Variants in CNTN5 observed in about 807,000 individuals in gnomAD.
The protein encoded by CNTN5 is contactin-5.
CNTN5 carries 77 observed loss-of-function variants against 129.1 expected under a neutral mutation model. The ratio of observed to expected loss-of-function variants is 0.60; its 90% CI spans 0.50 to 0.72. The LOEUF (loss-of-function observed/expected upper bound fraction) is 0.72. Ranked by LOEUF, CNTN5 falls within the 30% of genes least tolerant of loss-of-function variation. The pLI is 0.00. For synonymous variants in CNTN5, 509 were observed against 465.6 expected (o/e 1.09, Z -1.20); for missense variants, 1,478 against 1,328.8 (o/e 1.11, Z -1.75).
intron 2 of CNTN5, among the ~76,000 whole-genome samples, chr11:99,371,213 T>C (rs1015969059): frequency 6.6e-6 from 1 of 152,142 alleles, no homozygotes; most frequent in African/African-American, 2.4e-5. Context: ...TAAAGATATT[T>C]TAAAGTAGGT....
chr11:99,629,095 G>A (rs1951242931), intron 3 of CNTN5, among the ~76,000 whole-genome samples: 1 of 151,898 alleles, frequency 6.6e-6, no homozygotes, highest in Admixed American at 6.6e-5. Context: ...TAAATATGTT[G>A]GGTCAATGCC....
chr11:100,231,390 A>G (rs1193571201), intron 16 of CNTN5, among the ~76,000 whole-genome samples: 2 of 152,176 alleles, frequency 1.3e-5, no homozygotes, highest in Admixed American at 6.5e-5. Flanking sequence ...TATATATTCA[A>G]AAGATAGGAA....
intron 1 of CNTN5, among the ~76,000 whole-genome samples, chr11:99,265,804 A>T (rs1327285810): frequency 6.6e-6 from 1 of 152,062 alleles, no homozygotes; most frequent in Non-Finnish European, 1.5e-5. Flanking sequence ...TGAATGAAAT[A>T]GGCTTTAAAA....
chr11:99,816,384 G>A lies in CNTN5; in HGVS notation c.56-3160G>A, dbSNP rs530130295. ...TCTGACGAACCTGCGTCTTCCTTAC[G>A]TCTGCAGAATCTTAACATCAACATG... On this transcript the variant is annotated intron_variant, in intron 3 of 24. Transcript: ENST00000524871. Among the ~76,000 whole-genome samples the A allele has an allele frequency of 5.9e-5, 9 of 152,016 alleles. 1 individual carries two copies. The South Asian group carries it at 8.3e-4, about 14-fold the overall frequency.
At position 99,380,437 on chromosome 11, in the gene CNTN5, T is replaced by A. The variant is rs1372080019; in HGVS notation, c.-71+54953T>A. ...AATGATCATTACACTGTTTCTACTATTAACTTAAACAAGAACATTTGTCAG... is the reference window on the plus strand; with the variant it reads ...AATGATCATTACACTGTTTCTACTAATAACTTAAACAAGAACATTTGTCAG... On this transcript the variant is annotated intron_variant, in intron 2 of 24. Coordinates refer to ENST00000524871, the MANE Select transcript of CNTN5 (RefSeq NM_014361.4). Among the ~76,000 whole-genome samples the A allele has an allele frequency of 2.0e-5, 3 of 152,146 alleles. No homozygotes were observed. In the South Asian group the frequency reaches 6.2e-4, roughly 32 times the overall value.
At chr11:99,267,405 A>C (rs1253485844) in intron 1 of CNTN5, among the ~76,000 whole-genome samples, 1 of 152,032 alleles carries the variant, frequency 6.6e-6, no homozygotes, top group African/African-American at 2.4e-5. Flanking sequence ...TGTAAATTTC[A>C]ATCTTTCTAA....
At chr11:99,477,865 T>C (rs1171742919) in intron 2 of CNTN5, among the ~76,000 whole-genome samples, 2 of 152,124 alleles carry the variant, frequency 1.3e-5, no homozygotes, top group Non-Finnish European at 2.9e-5. Context: ...TTGGAAATAC[T>C]TTAAAATTGC....
chr11:99,765,729 T>C (rs1476284479), intron 3 of CNTN5, among the ~76,000 whole-genome samples: 2 of 151,490 alleles, frequency 1.3e-5, no homozygotes, highest in African/African-American at 4.8e-5. Flanking sequence ...ACCTTTTTTG[T>C]TGTTTCTGTT....
intron 13 of CNTN5, among the ~76,000 whole-genome samples, chr11:100,188,038 A>G (rs1187687392): frequency 6.6e-6 from 1 of 152,206 alleles, no homozygotes; most frequent in Non-Finnish European, 1.5e-5. Context: ...AACTACGCAC[A>G]CAACAAAGGT....
intron 1 of CNTN5, among the ~76,000 whole-genome samples, chr11:99,122,522 T>C (rs945999435): frequency 3.9e-5 from 6 of 152,066 alleles, no homozygotes; most frequent in African/African-American, 1.4e-4. Context: ...AATTTTTTTA[T>C]ATAGCAGCAG....
intron 6 of CNTN5, among the ~76,000 whole-genome samples, chr11:99,876,304 G>A (rs1435953333): frequency 6.6e-6 from 1 of 152,042 alleles, no homozygotes; most frequent in Non-Finnish European, 1.5e-5. Flanking sequence ...TCTGTTTCTG[G>A]CTTTTTGCAC....
At chr11:99,445,123 T>A (rs1049735991) in intron 2 of CNTN5, among the ~76,000 whole-genome samples, 1 of 148,886 alleles carries the variant, frequency 6.7e-6, no homozygotes, top group South Asian at 2.1e-4. Flanking sequence ...TATATGCATG[T>A]GTATAAGTGT....
At chr11:99,618,215 A>C (rs546375184) in intron 3 of CNTN5, among the ~76,000 whole-genome samples, 1 of 152,304 alleles carries the variant, frequency 6.6e-6, no homozygotes, top group Admixed American at 6.5e-5. Context: ...ATTAGATGTC[A>C]AATTTCAGAT....
intron 2 of CNTN5, among the ~76,000 whole-genome samples, chr11:99,475,270 GC>G (rs772514261): frequency 1.4e-4 from 22 of 152,272 alleles, no homozygotes. Flanking sequence ...TGGCTTGCCT[GC>G]CATCTGCCCT....
At chr11:99,544,000 T>C (rs928420783) in intron 2 of CNTN5, among the ~76,000 whole-genome samples, 1 of 151,220 alleles carries the variant, frequency 6.6e-6, no homozygotes, top group Non-Finnish European at 1.5e-5. Flanking sequence ...TATAGGGACA[T>C]TGTGTTAAAC....
chr11:99,199,323 A>C (rs997094564), intron 1 of CNTN5, among the ~76,000 whole-genome samples: 1 of 152,198 alleles, frequency 6.6e-6, no homozygotes, highest in Non-Finnish European at 1.5e-5. Flanking sequence ...AAAAACATGA[A>C]GTGAACCTTG....
At chr11:99,770,808 A>G (rs1565511133) in intron 3 of CNTN5, among the ~76,000 whole-genome samples, 1 of 152,190 alleles carries the variant, frequency 6.6e-6, no homozygotes, top group Admixed American at 6.6e-5. Flanking sequence ...AGAAAAAATC[A>G]TAAAATTTGT....
chr11:100,278,828 C>A (rs1484046026), intron 18 of CNTN5, among the ~76,000 whole-genome samples: 1 of 151,962 alleles, frequency 6.6e-6, no homozygotes, highest in African/African-American at 2.4e-5. Flanking sequence ...CTAGCTAGGA[C>A]TTCCAGTACT....
chr11:100,296,137 G>A (rs1323256976), intron 18 of CNTN5, among the ~76,000 whole-genome samples: 2 of 151,370 alleles, frequency 1.3e-5, no homozygotes, highest in Non-Finnish European at 3.0e-5. Context: ...CCATTCTTGT[G>A]TGTCTTACCC....
Sources: allele counts gnomAD v4.1 joint callset (sites outside exome capture counted in the v4.1 genomes callset), GRCh38; gene constraint gnomAD v4.1.1; transcripts MANE v1.5; gene names NCBI Gene and HGNC (gene_info 2026-07-23, HGNC 2026-07-21).